Variants in PALD1 observed in about 807,000 individuals in gnomAD.
PALD1 encodes the protein paladin.
PALD1 carries 57 observed loss-of-function variants against 96.0 expected under a neutral mutation model. The observed-to-expected ratio is 0.59, with a 90% CI of 0.48 to 0.74. The LOEUF (loss-of-function observed/expected upper bound fraction) is 0.74. Ranked by LOEUF, PALD1 falls within the 30% of genes least tolerant of loss-of-function variation. PALD1 has a pLI of 0.00. For synonymous variants in PALD1, 464 were observed against 473.6 expected (o/e 0.98, Z 0.26); for missense variants, 1,063 against 1,143.7 (o/e 0.93, Z 1.02).
At chr10:70,501,838 T>TGTGTGTGTGTGC (rs57837334) in intron 1 of PALD1, among the ~76,000 whole-genome samples, 1 of 150,328 alleles carries the variant, frequency 6.7e-6, no homozygotes, top group Non-Finnish European at 1.5e-5. Flanking sequence ...TGTGTGTGCG[T>TGTGTGTGTGTGC]GCGTGCATGC....
At chr10:70,524,297 G>A (rs908367052) in intron 1 of PALD1, among the ~76,000 whole-genome samples, 1 of 152,164 alleles carries the variant, frequency 6.6e-6, no homozygotes, top group Non-Finnish European at 1.5e-5. Context: ...CAGTGGCCAC[G>A]GAGCTCCCAG....
chr10:70,534,701 C>G lies in PALD1; in HGVS notation c.1123-38C>G, dbSNP rs369857357. On this transcript the variant is annotated intron_variant, in intron 9 of 19. Transcript: ENST00000263563. ...CTGCCTTGACCCTGCTCCCCACCCC[C>G]CCACCTCCCTCTTACTTGCCTTGGT... 1.2e-4 allele frequency: 165 copies of G among 1,335,510 alleles called. 2 individuals are homozygous for G. The Admixed American group carries it at 1.8e-3, about 14-fold the overall frequency. The allele number at this position is 1,335,510 out of a possible 1,614,324, so 82.7% of individuals were successfully genotyped here.
chr10:70,503,528 C>T (rs1252299405), intron 1 of PALD1, among the ~76,000 whole-genome samples: 3 of 152,072 alleles, frequency 2.0e-5, no homozygotes, highest in East Asian at 1.9e-4. Context: ...CCTAGCTACT[C>T]AGGAGGCTGA....
At position 70,532,658 on chromosome 10, in the gene PALD1, A is replaced by G. The variant is rs373865797; in HGVS notation, c.671A>G (p.His224Arg). The change falls in exon 6 of 20, where the codon CAT (histidine) becomes CGT (arginine). Residue 224 changes from histidine to arginine, a missense_variant. Transcript: ENST00000263563. ...DFAQLSENTY[H>R]VYHNTEDLWG... ...GCCCAGCTGAGCGAGAACACATACC[A>G]TGTGTACCATAACACCGAGGACCTG... 4.3e-6 allele frequency: 7 copies of G among 1,614,006 alleles called. No individual in the cohort carries two copies. The highest frequency in any genetic ancestry group is 5.9e-6 in the Non-Finnish European group (7 of 1,180,004).
rs1264413156 is a variant in PALD1 at position 70,538,335 on chromosome 10, T to C, written c.1379T>C (p.Leu460Pro). The C allele has an allele frequency of 1.2e-6, 2 of 1,608,336 alleles. No homozygotes were observed. The highest frequency in any genetic ancestry group is 1.1e-5 in the South Asian group (1 of 91,088). ...CGCTGGCTGTGTGCCCACCCTGAGC[T>C]GTACCGCCTGCCCGTGACGCTGAGC... The part of the protein sequence containing the change: ...FSRWLCAHPE[L>P]YRLPVTLSSA... The change falls in exon 12 of 20, where the codon CTG becomes CCG. Residue 460 changes from leucine (L) to proline (P), a missense_variant. Coordinates refer to ENST00000263563, the MANE Select transcript of PALD1 (RefSeq NM_014431.3).
At chr10:70,460,188 C>T in the PALD1 span, among the ~76,000 whole-genome samples, 1 of 152,160 alleles carries the variant, frequency 6.6e-6, no homozygotes, top group Non-Finnish European at 1.5e-5. Flanking sequence ...TCCCCCTGCC[C>T]CAGGCCTCCC....
chr10:70,526,059 C>T lies in PALD1; in HGVS notation c.108C>T (p.His36=). 5 of 1,614,204 alleles carry T rather than the reference C, an allele frequency of 3.1e-6. No individual in the cohort carries two copies. The highest frequency in any genetic ancestry group is 4.2e-6 in the Non-Finnish European group (5 of 1,180,028). The change falls in exon 2 of 20, where the codon CAC becomes CAT. Residue 36 remains histidine (H), a synonymous_variant. Transcript: ENST00000263563. The part of the protein sequence containing the change: ...TMDSRHSVSI[H]SFQSTSLHNS... ...ACAGTCGGCACTCCGTCAGCATCCA[C>T]TCCTTCCAGAGCACTAGCTTGCATA...
At chr10:70,478,540 C>T (rs1442431312), upstream of PALD1, among the ~76,000 whole-genome samples, 1 of 152,156 alleles carries the variant, frequency 6.6e-6, no homozygotes, top group Non-Finnish European at 1.5e-5. Flanking sequence ...ACTGGCTTCC[C>T]GGGCAGTCTC....
At chr10:70,472,465 T>C in the PALD1 span, among the ~76,000 whole-genome samples, 2 of 152,046 alleles carry the variant, frequency 1.3e-5, no homozygotes, top group Non-Finnish European at 2.9e-5. Context: ...TTCACCACGT[T>C]GGCCGGGTTG....
At chr10:70,531,269 T>TC (rs747979856) in intron 4 of PALD1, 21 bp from the exon 5 acceptor site, 402 of 1,602,226 alleles carry the variant, frequency 2.5e-4, no homozygotes, top group Non-Finnish European at 3.4e-4. Flanking sequence ...ATGGCTTCCT[T>TC]CCCCCTCGGG....
At chr10:70,495,379 G>A (rs1222129791) in intron 1 of PALD1, among the ~76,000 whole-genome samples, 4 of 151,980 alleles carry the variant, frequency 2.6e-5, no homozygotes, top group Non-Finnish European at 2.9e-5. Flanking sequence ...TGCTCCATGA[G>A]GGTCCGGGTC....
chr10:70,524,166 T>C (rs114062847), intron 1 of PALD1, among the ~76,000 whole-genome samples: 2,526 of 152,244 alleles, frequency 0.017, 79 homozygotes, highest in African/African-American at 0.058. Context: ...GTTGCCATGC[T>C]CTAAGGATGC....
In PALD1 at chr10:70,525,974, C is replaced by T. The variant is rs1269706371; in HGVS notation, c.23C>T (p.Ala8Val). The change falls in exon 2 of 20, where the codon GCC becomes GTC. Residue 8 changes from alanine (A) to valine (V), a missense_variant. Physicochemically the swap from Ala to Val is moderately conservative, Grantham distance 64 (BLOSUM62 0). Coordinates refer to ENST00000263563, the MANE Select transcript of PALD1 (RefSeq NM_014431.3). ...ACTATGGGTACAACGGCCAGCACAG[C>T]CCAGCAGACGGTCTCGGCAGGCACC... MGTTAST[A>V]QQTVSAGTPF... is the part of the protein sequence containing the mutation. 6.2e-7 allele frequency: 1 copy of T among 1,614,180 alleles called. No homozygotes were observed. Among genetic ancestry groups the T allele is most frequent in the South Asian group, 1.1e-5 (1 of 91,088 alleles).
At chr10:70,541,843 TAAC>T (rs1329666628) in intron 17 of PALD1, among the ~76,000 whole-genome samples, 1 of 152,112 alleles carries the variant, frequency 6.6e-6, no homozygotes, top group Non-Finnish European at 1.5e-5. Flanking sequence ...GTAATGTTGA[TAAC>T]AACCTCCCAG....
upstream of PALD1, among the ~76,000 whole-genome samples, chr10:70,477,040 TG>T (rs1564678063): frequency 1.1e-4 from 1 of 9,200 alleles, no homozygotes; most frequent in Admixed American, 3.1e-3. Context: ...TGCATACACA[TG>T]CACATGTATG....
the PALD1 span, among the ~76,000 whole-genome samples, chr10:70,472,093 C>T: frequency 2.0e-5 from 3 of 152,122 alleles, no homozygotes; most frequent in East Asian, 1.9e-4. Flanking sequence ...GCTCGTCACA[C>T]GAAAGCCCCT....
At chr10:70,499,502 C>T (rs972974845) in intron 1 of PALD1, among the ~76,000 whole-genome samples, 2 of 152,310 alleles carry the variant, frequency 1.3e-5, no homozygotes, top group Non-Finnish European at 1.5e-5. Flanking sequence ...GGTGGCCACA[C>T]GGCAGGATGT....
Position 70,534,729 on chromosome 10 carries a change from C to A in PALD1, c.1123-10C>A. On this transcript the variant is annotated splice_polypyrimidine_tract_variant and intron_variant, in intron 9 of 19. Coordinates refer to ENST00000263563, the MANE Select transcript of PALD1 (RefSeq NM_014431.3). ...ACCTCCCTCTTACTTGCCTTGGTCT[C>A]TGGCACCAGGTGGACAGAGCCATCA... The A allele has an allele frequency of 6.4e-7, 1 of 1,558,924 alleles. No homozygotes were observed. Among genetic ancestry groups the A allele is most frequent in the Non-Finnish European group, 8.8e-7 (1 of 1,136,062 alleles).
At chr10:70,543,560 G>A (rs1847297784) in intron 17 of PALD1, among the ~76,000 whole-genome samples, 2 of 151,980 alleles carry the variant, frequency 1.3e-5, no homozygotes, top group Non-Finnish European at 2.9e-5. Context: ...TTTTTTATAT[G>A]GTGTGAGGTG....
Sources: gnomAD v4.1 joint callset for allele counts (sites outside exome capture counted in the v4.1 genomes callset) on GRCh38, gnomAD v4.1.1 for gene constraint, MANE v1.5 for transcripts, NCBI Gene and HGNC (gene_info 2026-07-23, HGNC 2026-07-21) for gene names.